Variants in PDIA4 observed in about 807,000 individuals in gnomAD.
PDIA4 encodes the protein protein disulfide-isomerase A4.
In PDIA4, 33 loss-of-function variants were observed where a neutral mutation model predicts 62.1. The observed-to-expected ratio is 0.53, with a 90% CI of 0.40 to 0.71. PDIA4 has a LOEUF of 0.71. PDIA4 is among the 30% of genes least tolerant of loss of function. The pLI is 0.00. For missense variants in PDIA4, 804 were observed against 813.6 expected (o/e 0.99, Z 0.14); for synonymous variants, 341 against 324.1 (o/e 1.05, Z -0.56).
intron 6 of PDIA4, among the ~76,000 whole-genome samples, chr7:149,010,063 C>T (rs1457241879): frequency 6.6e-6 from 1 of 152,104 alleles, no homozygotes; most frequent in Non-Finnish European, 1.5e-5. Flanking sequence ...CCTGGATAAG[C>T]CTGTGGCTTT....
rs886712201 is a variant in PDIA4 at position 149,003,941 on chromosome 7, C to T, written c.1791G>A (p.Val597=). 6.2e-7 allele frequency: 1 copy of T among 1,612,850 alleles called. No homozygotes were observed. Among genetic ancestry groups the T allele is most frequent in the South Asian group, 1.1e-5 (1 of 90,922 alleles). Residue 597 remains valine (V), a synonymous_variant, in exon 10 of 10, where the codon GTG becomes GTA. Coordinates refer to ENST00000652332, the MANE Select transcript of PDIA4 (RefSeq NM_004911.5). ...ANDVPSDRYK[V]EGFPTIYFAP... is the part of the protein sequence containing the mutation. The stretch of plus-strand genomic sequence containing the variant: ...CGAAGTAGATGGTGGGGAAGCCCTC[C>T]ACCTTATAGCGGTCGCTGGGGACGT...
intron 7 of PDIA4, among the ~76,000 whole-genome samples, chr7:149,006,853 C>T (rs974318259): frequency 2.0e-5 from 3 of 152,210 alleles, no homozygotes; most frequent in Admixed American, 6.5e-5. Context: ...GCTGCGTGCA[C>T]TTCACTCAGC....
intron 3 of PDIA4, among the ~76,000 whole-genome samples, 182 bp downstream of exon 3, chr7:149,018,810 C>T (rs1824236718): frequency 7.0e-6 from 1 of 142,490 alleles, no homozygotes; most frequent in Admixed American, 7.1e-5. Flanking sequence ...CCACCCTGCC[C>T]ACCCCACTAC....
At chr7:149,015,380 A>G (rs1195976120) in intron 3 of PDIA4, among the ~76,000 whole-genome samples, 1 of 151,816 alleles carries the variant, frequency 6.6e-6, no homozygotes, top group Non-Finnish European at 1.5e-5. Context: ...GGTTTTGATT[A>G]CATATGCCTA....
At chr7:149,006,151 AG>A (rs11315544) in intron 7 of PDIA4, 98 bp from the exon 8 acceptor site, 258,609 of 1,294,824 alleles carry the variant, frequency 0.2, 31,415 homozygotes, top group African/African-American at 0.52. Flanking sequence ...GCGACTTTGA[AG>A]GGGATCAGTC....
chr7:149,027,727 A>T, intron 1 of PDIA4: 1 of 394,574 alleles, frequency 2.5e-6, no homozygotes, highest in Non-Finnish European at 5.2e-6. Flanking sequence ...AACCCAGTAC[A>T]GGGACTGGCA....
At chr7:149,006,103 G>T (rs1823749663) in intron 7 of PDIA4, 50 bp from the exon 8 acceptor site, 1 of 1,522,210 alleles carries the variant, frequency 6.6e-7, no homozygotes. Flanking sequence ...CCCCACCATT[G>T]TTCTTGAGTA....
At position 149,003,846 on chromosome 7, in the gene PDIA4, T is replaced by C. The variant is rs1325570917; in HGVS notation, c.1886A>G (p.Lys629Arg). 4 of 1,602,698 alleles carry C rather than the reference T, an allele frequency of 2.5e-6. No individual in the cohort carries two copies. Among genetic ancestry groups the C allele is most frequent in the South Asian group, 1.1e-5 (1 of 88,852 alleles). Residue 629 changes from lysine to arginine, a missense_variant, in exon 10 of 10, where the codon AAG becomes AGG. By Grantham distance (26) the Lys-to-Arg change is conservative (BLOSUM62 2). Transcript: ENST00000652332. ...GGDRDLEHLS[K>R]FIEEHATKLS... is the part of the protein sequence containing the mutation. ...TTTTGTGGCATGTTCTTCTATAAAC[T>C]TGCTCAAATGCTCCAGATCTCTGTC...
intron 6 of PDIA4, among the ~76,000 whole-genome samples, chr7:149,010,123 TGC>T (rs1823896008): frequency 6.6e-6 from 1 of 152,192 alleles, no homozygotes; most frequent in Non-Finnish European, 1.5e-5. Context: ...ACCTACTAAC[TGC>T]GTAGCTTTAG....
intron 3 of PDIA4, among the ~76,000 whole-genome samples, chr7:149,016,506 G>A (rs1283078025): frequency 1.3e-5 from 2 of 151,630 alleles, no homozygotes; most frequent in East Asian, 1.9e-4. Flanking sequence ...AAACACAGAA[G>A]AAACCTGTTA....
chr7:149,013,069 A>T (rs1031503050), intron 4 of PDIA4, among the ~76,000 whole-genome samples: 2 of 152,096 alleles, frequency 1.3e-5, no homozygotes, highest in Admixed American at 1.3e-4. Context: ...CCAACATGGC[A>T]ATACCCCGTC....
chr7:149,010,139 T>C (rs1443235421), intron 6 of PDIA4, among the ~76,000 whole-genome samples: 1 of 152,116 alleles, frequency 6.6e-6, no homozygotes, highest in African/African-American at 2.4e-5. Flanking sequence ...GCTTTAGACT[T>C]GTTAGTTATT....
chr7:149,026,936 A>G (rs1190669169), intron 1 of PDIA4, among the ~76,000 whole-genome samples: 1 of 152,142 alleles, frequency 6.6e-6, no homozygotes, highest in Non-Finnish European at 1.5e-5. Context: ...TCTGACCGGA[A>G]GGATAAACTT....
Position 149,011,925 on chromosome 7 carries a change from C to T in PDIA4, c.900G>A (p.Leu300=). The T allele has an allele frequency of 6.2e-7, 1 of 1,610,350 alleles. No individual in the cohort carries two copies. Among genetic ancestry groups the T allele is most frequent in the Non-Finnish European group, 8.5e-7 (1 of 1,177,950 alleles). Residue 300 remains leucine (L), a synonymous_variant, in exon 6 of 10, where the codon CTG becomes CTA. Transcript: ENST00000652332. ...ILTLKQVQEF[L]KDGDDVIIIG... The stretch of plus-strand genomic sequence containing the variant: ...TGATGATGACATCGTCTCCATCCTT[C>T]AGGAACTCCTGGACCTGCTTCAGGG...
At chr7:149,010,236 A>C (rs568752973) in intron 6 of PDIA4, among the ~76,000 whole-genome samples, 1 of 152,262 alleles carries the variant, frequency 6.6e-6, no homozygotes, top group South Asian at 2.1e-4. Context: ...GCTGTGGTTC[A>C]TGTCTGTAAT....
intron 1 of PDIA4, among the ~76,000 whole-genome samples, chr7:149,024,586 G>A (rs557265993): frequency 6.6e-6 from 1 of 151,814 alleles, no homozygotes; most frequent in Non-Finnish European, 1.5e-5. Context: ...AGGCTGAGAC[G>A]GGCAGATCAC....
chr7:149,018,949 GCGGGAAGGAGTT>G, intron 3 of PDIA4, 31 bp downstream of exon 3: 1 of 1,445,100 alleles, frequency 6.9e-7, no homozygotes, highest in Non-Finnish European at 9.7e-7. Context: ...CCCATTCCCT[GCGGGAAGGAGTT>G]CTTCCTCTAC....
chr7:149,012,379 T>C lies in PDIA4; in HGVS notation c.615-19A>G. On this transcript the variant is annotated intron_variant, in intron 4 of 9. Transcript: ENST00000652332. Reference sequence around the variant, plus strand: ...TCCACACCTGCCAAGAGGAAACTGGTTTGTCAGGGGCTCATTCTAGTGTGG... The same window carrying C: ...TCCACACCTGCCAAGAGGAAACTGGCTTGTCAGGGGCTCATTCTAGTGTGG... 1 of 1,603,498 alleles carries C rather than the reference T, an allele frequency of 6.2e-7. No individual in the cohort carries two copies. The highest frequency in any genetic ancestry group is 8.5e-7 in the Non-Finnish European group (1 of 1,172,112).
In PDIA4 at chr7:149,004,024, T is replaced by C. The variant is rs776431274; in HGVS notation, c.1708A>G (p.Lys570Glu). The C allele has an allele frequency of 6.2e-7, 1 of 1,614,216 alleles. No individual in the cohort carries two copies. Among genetic ancestry groups the C allele is most frequent in the South Asian group, 1.1e-5 (1 of 91,086 alleles). The change falls in exon 10 of 10, where the codon AAG becomes GAG. Residue 570 changes from lysine to glutamate, a missense_variant. By Grantham distance (56) the Lys-to-Glu change is moderately conservative. Coordinates refer to ENST00000652332, the MANE Select transcript of PDIA4 (RefSeq NM_004911.5). ...QLEPVYNSLA[K>E]KYKGQKGLVI... is the part of the protein sequence containing the mutation. ...AGGCCCTTTTGGCCCTTGTACTTCT[T>C]GGCCAGGCTGTTGTACACGGGCTCT...
Sources: allele counts gnomAD v4.1 joint callset (sites outside exome capture counted in the v4.1 genomes callset), GRCh38; gene constraint gnomAD v4.1.1; transcripts MANE v1.5; gene names NCBI Gene and HGNC (gene_info 2026-07-23, HGNC 2026-07-21).